The following NALCN variants were observed in gnomAD, a reference collection of about 807,000 sequenced individuals.
NALCN encodes sodium leak channel, non-selective.
In NALCN, 111 loss-of-function variants were observed where a neutral mutation model predicts 225.3. That is an observed-to-expected ratio of 0.49 (90% CI 0.42 to 0.58). The LOEUF (loss-of-function observed/expected upper bound fraction) is 0.58, where lower values mean the gene tolerates loss of function less well. NALCN is among the 20% of genes least tolerant of loss of function. The probability of loss-of-function intolerance (pLI) is 0.00; values close to 1 mark genes in which losing one functional copy is unlikely to be tolerated. For missense variants in NALCN, 1,378 were observed against 2,202.4 expected (o/e 0.63, Z 7.49); for synonymous variants, 764 against 769.0 (o/e 0.99, Z 0.11).
At chr13:101,098,640 A>T (rs1347438829) in intron 27 of NALCN, among the ~76,000 whole-genome samples, 1 of 152,190 alleles carries the variant, frequency 6.6e-6, no homozygotes, top group Non-Finnish European at 1.5e-5. Context: ...CGTTGTCTTT[A>T]ACAGGAACTG....
At chr13:101,121,134 C>T (rs759698400) in intron 18 of NALCN, among the ~76,000 whole-genome samples, 1 of 152,052 alleles carries the variant, frequency 6.6e-6, no homozygotes, top group Non-Finnish European at 1.5e-5. Context: ...TTCAATGTTA[C>T]AGAGAAGCAG....
At chr13:101,169,020 G>T (rs1474917341) in intron 15 of NALCN, among the ~76,000 whole-genome samples, 1 of 152,164 alleles carries the variant, frequency 6.6e-6, no homozygotes, top group Non-Finnish European at 1.5e-5. Flanking sequence ...AAACGTCCCT[G>T]ATTTCACAGT....
intron 18 of NALCN, among the ~76,000 whole-genome samples, chr13:101,115,334 G>C (rs746532894): frequency 5.3e-5 from 8 of 152,126 alleles, no homozygotes; most frequent in East Asian, 1.9e-4. Context: ...AAAGCTATTA[G>C]GGAAGCCTGA....
At chr13:101,193,889 T>TATCG (rs1219674989) in intron 13 of NALCN, among the ~76,000 whole-genome samples, 3 of 152,162 alleles carry the variant, frequency 2.0e-5, no homozygotes, top group Admixed American at 6.5e-5. Flanking sequence ...TCAATGAAGG[T>TATCG]ATCGGTGTGA....
At chr13:101,373,012 A>C (rs2046584547) in intron 6 of NALCN, 1 of 373,658 alleles carries the variant, frequency 2.7e-6, no homozygotes, top group Admixed American at 3.6e-5. Context: ...AGATGTTAAA[A>C]AGATAATCAG....
At chr13:101,311,429 G>C (rs2044341994) in intron 7 of NALCN, among the ~76,000 whole-genome samples, 1 of 144,606 alleles carries the variant, frequency 6.9e-6, no homozygotes, top group Non-Finnish European at 1.5e-5. Flanking sequence ...GGGCATCCCT[G>C]TCTTGTGCCA....
Position 101,227,001 on chromosome 13 carries a change from C to G in NALCN, c.1626+2392G>C, listed in dbSNP as rs574974115. 2.6e-5 allele frequency among the ~76,000 whole-genome samples: 4 copies of G among 152,268 alleles called. No individual in the cohort carries two copies. In the East Asian group the frequency reaches 7.8e-4, roughly 30 times the overall value. Reference sequence around the variant, plus strand: ...GCAAGGAAAAGAGCCCTCCCTCCCCCATGCCTGCTGATCCACCTGACCCTT... The same window carrying G: ...GCAAGGAAAAGAGCCCTCCCTCCCCGATGCCTGCTGATCCACCTGACCCTT... On this transcript the variant is annotated intron_variant, in intron 13 of 43. Transcript: ENST00000251127.
chr13:101,201,632 T>C (rs2040124913), intron 13 of NALCN, among the ~76,000 whole-genome samples: 1 of 152,174 alleles, frequency 6.6e-6, no homozygotes, highest in Non-Finnish European at 1.5e-5. Flanking sequence ...TGTAAACATA[T>C]GTTTTGATAA....
intron 15 of NALCN, among the ~76,000 whole-genome samples, chr13:101,174,890 G>C (rs942314788): frequency 1.3e-5 from 2 of 152,166 alleles, no homozygotes; most frequent in Non-Finnish European, 2.9e-5. Flanking sequence ...TGAAGGAAAA[G>C]TGACAGCTCA....
At chr13:101,246,337 T>C (rs12585824) in intron 11 of NALCN, among the ~76,000 whole-genome samples, 28,211 of 152,074 alleles carry the variant, frequency 0.19, 2,793 homozygotes, top group East Asian at 0.37. Context: ...AGAATCATGA[T>C]GGATATCATG....
At chr13:101,341,811 G>A (rs898633646) in intron 7 of NALCN, among the ~76,000 whole-genome samples, 2 of 152,182 alleles carry the variant, frequency 1.3e-5, no homozygotes, top group African/African-American at 2.4e-5. Flanking sequence ...TAACCCCCAT[G>A]GGGGTGATGC....
At chr13:101,249,492 C>A (rs1319384469) in intron 11 of NALCN, among the ~76,000 whole-genome samples, 2 of 152,146 alleles carry the variant, frequency 1.3e-5, no homozygotes, top group African/African-American at 2.4e-5. Context: ...AATCACAGAA[C>A]TACTATCCTT....
intron 15 of NALCN, among the ~76,000 whole-genome samples, chr13:101,168,334 T>TG (rs2038552299): frequency 6.6e-6 from 1 of 152,176 alleles, no homozygotes; most frequent in South Asian, 2.1e-4. Context: ...CTTTAAACTT[T>TG]GTATCTCTCC....
At chr13:101,115,052 G>GAATT (rs1481665702) in intron 18 of NALCN, among the ~76,000 whole-genome samples, 1 of 152,124 alleles carries the variant, frequency 6.6e-6, no homozygotes, top group Non-Finnish European at 1.5e-5. Context: ...TGGAATGAAT[G>GAATT]AACCTTGAAA....
chr13:101,115,433 C>A (rs2139664603), intron 18 of NALCN, among the ~76,000 whole-genome samples: 1 of 152,256 alleles, frequency 6.6e-6, no homozygotes, highest in African/African-American at 2.4e-5. Context: ...GGAACATAGT[C>A]TCCATATACC....
At chr13:101,075,331 T>C (rs2033180849) in intron 35 of NALCN, among the ~76,000 whole-genome samples, 1 of 151,864 alleles carries the variant, frequency 6.6e-6, no homozygotes, top group Admixed American at 6.6e-5. Flanking sequence ...GGCACATGCC[T>C]GTAATCTCAG....
chr13:101,294,352 T>C (rs1476082959), intron 7 of NALCN, among the ~76,000 whole-genome samples: 1 of 152,116 alleles, frequency 6.6e-6, no homozygotes, highest in Non-Finnish European at 1.5e-5. Context: ...CACATAGAAA[T>C]GATAAATGCT....
chr13:101,141,073 A>G (rs1048450820), intron 17 of NALCN, among the ~76,000 whole-genome samples: 1 of 152,260 alleles, frequency 6.6e-6, no homozygotes, highest in African/African-American at 2.4e-5. Context: ...GGATGACCTC[A>G]GTTGAAATCT....
chr13:101,322,808 G>A (rs2044797116), intron 7 of NALCN, among the ~76,000 whole-genome samples: 1 of 152,000 alleles, frequency 6.6e-6, no homozygotes, highest in African/African-American at 2.4e-5. Context: ...TGCCTCCCGG[G>A]TTCAAACAAT....
Sources: gnomAD v4.1 joint callset for allele counts (sites outside exome capture counted in the v4.1 genomes callset) on GRCh38, gnomAD v4.1.1 for gene constraint, MANE v1.5 for transcripts, NCBI Gene and HGNC (gene_info 2026-07-23, HGNC 2026-07-21) for gene names.